ANOS1: variants seen among roughly 807,000 people sequenced by gnomAD.
ANOS1 encodes anosmin 1.
ANOS1 carries 6 observed loss-of-function variants against 59.0 expected under a neutral mutation model. That is an observed-to-expected ratio of 0.10 (90% CI 0.06 to 0.20). The LOEUF is 0.20. ANOS1 is among the 10% of genes least tolerant of loss of function. The probability of loss-of-function intolerance (pLI) is 1.00; values close to 1 mark genes in which losing one functional copy is unlikely to be tolerated. For missense variants in ANOS1, 433 were observed against 542.3 expected, an observed-to-expected ratio of 0.80 and a Z score of 2.00; for synonymous variants, 217 against 223.4, an observed-to-expected ratio of 0.97 and a Z score of 0.25.
intron 9 of ANOS1, among the ~76,000 whole-genome samples, chrX:8,551,375 C>G (rs1001180824): frequency 8.9e-6 from 1 of 112,127 alleles, no homozygotes; most frequent in Non-Finnish European, 1.9e-5. Flanking sequence ...GGGAGCAGTG[C>G]GCCTGTAATC....
At chrX:8,663,912 T>C (rs1161767773) in intron 2 of ANOS1, among the ~76,000 whole-genome samples, 2 of 111,363 alleles carry the variant, frequency 1.8e-5, no homozygotes. Context: ...TGCAGGGACG[T>C]GGGTGGAGCT....
At chrX:8,602,134 GCTGT>G (rs1174560652) in intron 3 of ANOS1, among the ~76,000 whole-genome samples, 5 of 112,311 alleles carry the variant, frequency 4.5e-5, no homozygotes, top group Non-Finnish European at 9.4e-5. Flanking sequence ...AGGTTTTGAT[GCTGT>G]CTATTAATTT....
At chrX:8,677,703 A>AT (rs989322946) in intron 2 of ANOS1, among the ~76,000 whole-genome samples, 1 of 111,787 alleles carries the variant, frequency 8.9e-6, no homozygotes, top group Non-Finnish European at 1.9e-5. Flanking sequence ...ATATATATAT[A>AT]TTTTTTTCCT....
At chrX:8,706,139 G>A (rs1171729787) in intron 1 of ANOS1, among the ~76,000 whole-genome samples, 5 of 112,203 alleles carry the variant, frequency 4.5e-5, no homozygotes, top group African/African-American at 1.3e-4. Flanking sequence ...ACACACACGG[G>A]AAGAATAAAG....
At chrX:8,550,334 T>G (rs1178335300) in intron 9 of ANOS1, among the ~76,000 whole-genome samples, 1 of 111,803 alleles carries the variant, frequency 8.9e-6, no homozygotes, top group Non-Finnish European at 1.9e-5. Flanking sequence ...AAAACATTGT[T>G]GAGACAAAAA....
intron 2 of ANOS1, among the ~76,000 whole-genome samples, chrX:8,667,834 T>C (rs1302194646): frequency 9.0e-6 from 1 of 110,597 alleles, no homozygotes; most frequent in Admixed American, 9.7e-5. Context: ...AGTATGGCTG[T>C]GGAGGATTAG....
chrX:8,609,785 A>T (rs1243912469), intron 3 of ANOS1, among the ~76,000 whole-genome samples: 1 of 109,893 alleles, frequency 9.1e-6, no homozygotes, highest in Non-Finnish European at 1.9e-5. Flanking sequence ...AGGCAGGCGG[A>T]TCACGAGGTC....
intron 7 of ANOS1, 133 bp from the exon 8 acceptor site, chrX:8,568,509 G>T: frequency 1.6e-6 from 1 of 634,275 alleles, no homozygotes; most frequent in South Asian, 2.6e-5. Context: ...TATATCTTTG[G>T]GATCTGAAAA....
chrX:8,613,577 G>A (rs1240743505), intron 3 of ANOS1, among the ~76,000 whole-genome samples: 1 of 110,777 alleles, frequency 9.0e-6, no homozygotes, highest in Non-Finnish European at 1.9e-5. Flanking sequence ...TCTCCCCATA[G>A]ACTATCACTG....
chrX:8,657,246 T>C (rs1931947286), intron 2 of ANOS1, among the ~76,000 whole-genome samples: 1 of 112,373 alleles, frequency 8.9e-6, no homozygotes, highest in Non-Finnish European at 1.9e-5. Context: ...AAGCTTCGCA[T>C]TGGGAATTCC....
Position 8,532,924 on chromosome X carries a change from G to A in ANOS1, c.*71C>T, listed in dbSNP as rs1929523591. ...AGCAGTTCCCACTGCCTCTGGAAGT[G>A]TGCATGTCTCGTGGCCGAAGTTCAA... On this transcript the variant is annotated 3_prime_UTR_variant, in exon 14 of 14. Transcript: ENST00000262648. 4.6e-6 allele frequency: 3 copies of A among 656,099 alleles called. No homozygotes were observed. Among genetic ancestry groups the A allele is most frequent in the Non-Finnish European group, 7.6e-6 (3 of 393,853 alleles). The allele number at this position is 656,099 out of a possible 1,213,427, so 54.1% of individuals were successfully genotyped here. A position where few individuals can be genotyped will look rare whatever the true frequency, so the allele number is the denominator to read the frequency against.
At chrX:8,682,354 C>CCACACACACACACACA (rs757532758) in intron 2 of ANOS1, among the ~76,000 whole-genome samples, 2,569 of 101,556 alleles carry the variant, frequency 0.025, 109 homozygotes, top group African/African-American at 0.089. Flanking sequence ...GAGAATTTCA[C>CCACACACACACACACA]CACACACACA....
chrX:8,547,287 C>T (rs1929784020), intron 9 of ANOS1, among the ~76,000 whole-genome samples: 1 of 111,786 alleles, frequency 8.9e-6, no homozygotes, highest in Admixed American at 9.5e-5. Context: ...GTCTCTCCAG[C>T]CTCACACAGT....
At chrX:8,552,246 A>G (rs1323187861) in intron 9 of ANOS1, among the ~76,000 whole-genome samples, 1 of 112,196 alleles carries the variant, frequency 8.9e-6, no homozygotes, top group Non-Finnish European at 1.9e-5. Context: ...ATCATGCCCT[A>G]CTGGTGAGAA....
At chrX:8,588,544 C>T (rs1411461909) in intron 4 of ANOS1, among the ~76,000 whole-genome samples, 1 of 111,977 alleles carries the variant, frequency 8.9e-6, no homozygotes, top group Non-Finnish European at 1.9e-5. Context: ...TTCCAAAGTT[C>T]AAGTCTTTTG....
At chrX:8,644,041 A>G (rs1216542024) in intron 2 of ANOS1, among the ~76,000 whole-genome samples, 4 of 111,211 alleles carry the variant, frequency 3.6e-5, no homozygotes, top group African/African-American at 1.3e-4. Flanking sequence ...CCTTGGACAC[A>G]TATTCTAAGG....
chrX:8,558,170 TG>T (rs1929977504), intron 8 of ANOS1, among the ~76,000 whole-genome samples: 1 of 65,746 alleles, frequency 1.5e-5, no homozygotes, highest in African/African-American at 5.9e-5. Context: ...CAGGGCCTGT[TG>T]GGGGTGGGGG....
chrX:8,575,365 GGCAAT>G (rs1930302985), intron 6 of ANOS1, among the ~76,000 whole-genome samples: 1 of 111,768 alleles, frequency 8.9e-6, no homozygotes, highest in African/African-American at 3.3e-5. Flanking sequence ...TCGTGTTCTC[GGCAAT>G]GCACCTGAAT....
chrX:8,614,498 C>T (rs746018220), intron 3 of ANOS1, among the ~76,000 whole-genome samples: 14 of 111,514 alleles, frequency 1.3e-4, no homozygotes, highest in Non-Finnish European at 2.4e-4. Flanking sequence ...AACTACAAAA[C>T]TCAGTGAGCC....
Sources: gnomAD v4.1 joint callset for allele counts (sites outside exome capture counted in the v4.1 genomes callset) on GRCh38, gnomAD v4.1.1 for gene constraint, MANE v1.5 for transcripts, NCBI Gene and HGNC (gene_info 2026-07-23, HGNC 2026-07-21) for gene names.